The following CUX1 variants were observed in gnomAD, a reference collection of about 807,000 sequenced individuals.
CUX1 encodes the protein cut like homeobox 1, also known as protein CASP.
A neutral mutation model predicts 158.8 loss-of-function variants in CUX1; 31 were observed. The observed-to-expected ratio is 0.20, with a 90% confidence interval of 0.15 to 0.26. CUX1 has a LOEUF of 0.26. CUX1 is among the 10% of genes least tolerant of loss of function. The probability of loss-of-function intolerance (pLI) is 1.00; values close to 1 mark genes in which losing one functional copy is unlikely to be tolerated. For missense variants in CUX1, 1,589 were observed against 2,014.6 expected, an observed-to-expected ratio of 0.79 and a Z score of 4.04; for synonymous variants, 879 against 862.1, an observed-to-expected ratio of 1.02 and a Z score of -0.34.
intron 3 of CUX1, among the ~76,000 whole-genome samples, chr7:102,046,944 G>A (rs924538786): frequency 6.6e-6 from 1 of 152,106 alleles, no homozygotes; most frequent in Non-Finnish European, 1.5e-5. Flanking sequence ...TGGGAGAGTC[G>A]CCAAAGCGAT....
At chr7:102,138,434 T>C (rs1378591044) in intron 8 of CUX1, among the ~76,000 whole-genome samples, 2 of 152,210 alleles carry the variant, frequency 1.3e-5, no homozygotes, top group African/African-American at 2.4e-5. Flanking sequence ...AACAGCCTAA[T>C]TGACCCTCTG....
At chr7:102,105,861 T>G (rs1016355640) in intron 6 of CUX1, among the ~76,000 whole-genome samples, 2 of 151,868 alleles carry the variant, frequency 1.3e-5, no homozygotes, top group Admixed American at 6.6e-5. Context: ...TATTAAGTTT[T>G]ATACCCGCTC....
intron 2 of CUX1, among the ~76,000 whole-genome samples, chr7:101,950,316 A>G (rs1400282309): frequency 1.3e-5 from 2 of 151,928 alleles, no homozygotes; most frequent in Non-Finnish European, 1.5e-5. Flanking sequence ...GGCCCAGAAG[A>G]CTTATATTTT....
intron 5 of CUX1, among the ~76,000 whole-genome samples, chr7:102,103,095 G>T (rs551575527): frequency 1.1e-4 from 16 of 152,268 alleles, no homozygotes; most frequent in African/African-American, 3.8e-4. Flanking sequence ...GCTTTCCCAA[G>T]ACAGCCCTGC....
chr7:102,251,957 CAT>C lies in CUX1; in HGVS notation c.*2918_*2919del. 2.0e-6 allele frequency: 2 copies of C among 985,370 alleles called. No homozygotes were observed. Among genetic ancestry groups the C allele is most frequent in the Non-Finnish European group, 2.4e-6 (2 of 829,912 alleles). The allele number at this position is 985,370 out of a possible 1,614,324, so 61.0% of individuals were successfully genotyped here. On this transcript the variant is annotated 3_prime_UTR_variant, in exon 24 of 24. Transcript: ENST00000292535. ...TTTTGACCCTCCCAAGCAATTTAGT[CAT>C]ATGTGTTGTTTTCTCTTTTCTGTTT...
chr7:101,883,936 C>T (rs1355388254), intron 1 of CUX1, among the ~76,000 whole-genome samples: 1 of 151,220 alleles, frequency 6.6e-6, no homozygotes, highest in Non-Finnish European at 1.5e-5. Context: ...TCTTATCACA[C>T]AGGCTGGACT....
intron 10 of CUX1, among the ~76,000 whole-genome samples, chr7:102,176,052 T>G (rs556994167): frequency 1.3e-5 from 2 of 152,280 alleles, no homozygotes; most frequent in East Asian, 3.9e-4. Flanking sequence ...AGATGCTCGC[T>G]CCAGCCCCCC....
chr7:101,967,811 G>A (rs923577716), intron 2 of CUX1, among the ~76,000 whole-genome samples: 1 of 152,196 alleles, frequency 6.6e-6, no homozygotes, highest in African/African-American at 2.4e-5. Flanking sequence ...TGAGGTAGTG[G>A]GGCCAGGACG....
At chr7:102,150,059 G>A (rs1835463979) in intron 8 of CUX1, among the ~76,000 whole-genome samples, 1 of 152,208 alleles carries the variant, frequency 6.6e-6, no homozygotes. Context: ...TTTTAAAGCA[G>A]GAAGAATTAA....
upstream of CUX1, chr7:101,817,124 C>T: frequency 1.0e-6 from 1 of 984,526 alleles, no homozygotes. The surrounding 1 kb of genome is among the most constrained non-coding windows in gnomAD (Gnocchi z 4.1). Context: ...TCCCGGACCG[C>T]CGGGTGCGGG....
chr7:101,915,362 C>T (rs1035718658), intron 1 of CUX1, among the ~76,000 whole-genome samples: 5 of 152,182 alleles, frequency 3.3e-5, no homozygotes, highest in African/African-American at 9.7e-5. Context: ...CCAGAGTCCT[C>T]AGCCCCCTAG....
At chr7:101,980,304 G>A (rs999207686) in intron 2 of CUX1, among the ~76,000 whole-genome samples, 8 of 152,056 alleles carry the variant, frequency 5.3e-5, no homozygotes, top group Non-Finnish European at 8.8e-5. Flanking sequence ...CCAGGAGTTC[G>A]AGACCAGCCT....
intron 5 of CUX1, among the ~76,000 whole-genome samples, chr7:102,098,742 G>A (rs1311244733): frequency 6.7e-6 from 1 of 148,910 alleles, no homozygotes; most frequent in African/African-American, 2.5e-5. Context: ...CCGGGTTCAC[G>A]CCATTCTCCT....
At chr7:101,934,839 G>A in intron 2 of CUX1, among the ~76,000 whole-genome samples, 1 of 152,118 alleles carries the variant, frequency 6.6e-6, no homozygotes, top group Non-Finnish European at 1.5e-5. Context: ...CCCTTCCAAA[G>A]TAAACTTTCG....
At chr7:101,913,444 T>C in intron 1 of CUX1, 1 of 1,234,532 alleles carries the variant, frequency 8.1e-7, no homozygotes, top group Non-Finnish European at 1.1e-6. Context: ...TCAAGGTGGG[T>C]TCACCTTGCA....
chr7:102,272,864 C>T (rs1554546585), intron 14 of CUX1, among the ~76,000 whole-genome samples: 2 of 152,204 alleles, frequency 1.3e-5, no homozygotes, highest in African/African-American at 2.4e-5. Context: ...GTTGTCAGCC[C>T]AGAGGTGGCA....
rs922366065 is a variant in CUX1, at chr7:101,916,624, CTGTTGCTGG to C, written c.141+402_141+410del. 1.9e-4 allele frequency: 39 copies of C among 207,658 alleles called. No individual in the cohort carries two copies. The highest frequency in any genetic ancestry group is 3.4e-4 in the Non-Finnish European group (33 of 98,416). The allele number at this position is 207,658 out of a possible 1,614,324, so 12.9% of individuals were successfully genotyped here. On this transcript the variant is annotated intron_variant, in intron 2 of 23. Transcript: ENST00000292535. This position sits in a 1 kb window ranked among gnomAD's most constrained non-coding sequence, Gnocchi z 4.4. ...TGGAAGGTCCGCGGGGCCTGCTTCCCTGTTGCTGGTGCAGGCGGAGTGTCTGAAGGCTGC... is the reference window on the plus strand; with the variant it reads ...TGGAAGGTCCGCGGGGCCTGCTTCCCTGCAGGCGGAGTGTCTGAAGGCTGC...
chr7:101,959,087 T>A (rs1810132913), intron 2 of CUX1, among the ~76,000 whole-genome samples: 1 of 152,014 alleles, frequency 6.6e-6, no homozygotes, highest in Non-Finnish European at 1.5e-5. Flanking sequence ...CTCAAATTCC[T>A]GGGCTTAAGT....
intron 3 of CUX1, among the ~76,000 whole-genome samples, chr7:102,051,123 T>C (rs1034513989): frequency 2.0e-5 from 3 of 151,992 alleles, no homozygotes; most frequent in African/African-American, 7.2e-5. Flanking sequence ...ACCTCACGTA[T>C]CCCCAGTCAC....
Sources: gnomAD v4.1 joint callset for allele counts (sites outside exome capture counted in the v4.1 genomes callset) on GRCh38, gnomAD v4.1.1 for gene constraint, Gnocchi (gnomAD v3.1) non-coding constraint, MANE v1.5 for transcripts, NCBI Gene and HGNC (gene_info 2026-07-23, HGNC 2026-07-21) for gene names.